Variants in TCFL5 observed in about 807,000 individuals in gnomAD.
The protein encoded by TCFL5 is transcription factor-like 5 protein.
TCFL5 carries 9 observed loss-of-function variants against 44.3 expected under a neutral mutation model. That is an observed-to-expected ratio of 0.20 (90% CI 0.12 to 0.35). The LOEUF (loss-of-function observed/expected upper bound fraction) is 0.35. TCFL5 is among the 10% of genes least tolerant of loss of function. TCFL5 has a pLI of 1.00. For synonymous variants in TCFL5, 319 were observed against 271.6 expected (o/e 1.17, Z -1.72); for missense variants, 603 against 613.4 (o/e 0.98, Z 0.18).
intron 5 of TCFL5, among the ~76,000 whole-genome samples, chr20:62,850,464 T>C (rs1050428496): frequency 6.6e-6 from 1 of 151,690 alleles, no homozygotes; most frequent in African/African-American, 2.4e-5. Context: ...CCCTGACGCC[T>C]TTTTCCCATC....
At chr20:62,845,571 A>G in intron 5 of TCFL5, 6 of 1,501,158 alleles carry the variant, frequency 4.0e-6, no homozygotes, top group Non-Finnish European at 5.3e-6. Context: ...AATTAAATGA[A>G]AGTCAGAGCC....
chr20:62,858,778 G>A lies in TCFL5; in HGVS notation c.994+586C>T, dbSNP rs1359003516. Reference sequence around the variant, plus strand: ...ACGCAGGTGTTTCCCAGGGAGGAAGGGGCTACGCAGGTGTTTCCCAGGGAG... The same window carrying A: ...ACGCAGGTGTTTCCCAGGGAGGAAGAGGCTACGCAGGTGTTTCCCAGGGAG... On this transcript the variant is annotated intron_variant, in intron 3 of 5. Transcript: ENST00000335351. Among the ~76,000 whole-genome samples the A allele has an allele frequency of 7.3e-3, 636 of 86,842 alleles. 11 individuals are homozygous for A. Among genetic ancestry groups the A allele is most frequent in the Non-Finnish European group, 0.011 (467 of 43,546 alleles). The allele number at this position is 86,842 out of a possible 152,430, so 57.0% of individuals were successfully genotyped here.
At chr20:62,853,038 T>C (rs988333643) in intron 5 of TCFL5, 75 of 1,208,928 alleles carry the variant, frequency 6.2e-5, no homozygotes, top group East Asian at 1.2e-4. Context: ...CACAGAAGCA[T>C]AGTCACCCGG....
intron 3 of TCFL5, among the ~76,000 whole-genome samples, chr20:62,858,939 G>A (rs1326293958): frequency 1.4e-5 from 2 of 142,082 alleles, no homozygotes; most frequent in East Asian, 2.0e-4. Context: ...TCACCTTACA[G>A]CCTCTCCCTG....
At chr20:62,855,706 C>T (rs6010768) in intron 4 of TCFL5, among the ~76,000 whole-genome samples, 11,203 of 151,974 alleles carry the variant, frequency 0.074, 1,351 homozygotes, top group African/African-American at 0.25. Flanking sequence ...GCGAAGGTTG[C>T]GTTGAACCGA....
Position 62,856,619 on chromosome 20 carries a change from C to T in TCFL5, c.1238+776G>A, listed in dbSNP as rs574609488. On this transcript the variant is annotated intron_variant, in intron 4 of 5. Transcript: ENST00000335351. ...TACTCAGGAGGCTGAGGCAGGAGAA[C>T]GGCATGAACCCGGGAGGCGGAGCTT... is the stretch of plus-strand genomic sequence containing the variant. Among the ~76,000 whole-genome samples the T allele has an allele frequency of 1.5e-4, 22 of 146,424 alleles. No homozygotes were observed. In the East Asian group the frequency reaches 1.7e-3, roughly 11 times the overall value.
Position 62,859,495 on chromosome 20 carries a change from G to C in TCFL5, c.863C>G (p.Ala288Gly), listed in dbSNP as rs1218007264. The stretch of plus-strand genomic sequence containing the variant: ...CAATCCAATATCCTGGTGCTTGGCA[G>C]CTTCAAGTACAGAACATGAGTTACT... ...SSSNSCSVLE[A>G]AKHQDIGLPR... The change falls in exon 3 of 6, where the codon GCT (alanine) becomes GGT (glycine). Residue 288 changes from alanine (A) to glycine (G), a missense_variant. Physicochemically the swap from Ala to Gly is moderately conservative, Grantham distance 60. Around this residue, in one of 4 missense-constraint regions of TCFL5, gnomAD observed 540 missense variants for 478.7 expected, o/e 1.13. Transcript: ENST00000335351. 6.2e-7 allele frequency: 1 copy of C among 1,613,300 alleles called. No homozygotes were observed. The highest frequency in any genetic ancestry group is 2.2e-5 in the East Asian group (1 of 44,882).
chr20:62,848,064 G>T, intron 5 of TCFL5, among the ~76,000 whole-genome samples: 1 of 152,244 alleles, frequency 6.6e-6, no homozygotes, highest in Non-Finnish European at 1.5e-5. Context: ...CACGGGAGAA[G>T]TCACAGCGTG....
chr20:62,841,192 T>G lies in TCFL5; in HGVS notation c.*783A>C, dbSNP rs561798226. ...CTAGTCTGATGTTTTGTGTACAAAC[T>G]CACATCTCCAATTAACAGTATTTAT... On this transcript the variant is annotated 3_prime_UTR_variant, in exon 6 of 6. Coordinates refer to ENST00000335351, the MANE Select transcript of TCFL5 (RefSeq NM_006602.4). The G allele has an allele frequency of 9.3e-5, 15 of 162,020 alleles. No individual in the cohort carries two copies. In the South Asian group the frequency reaches 1.9e-3, roughly 21 times the overall value. 10.0% of individuals were successfully genotyped at this position (162,020 alleles called of 1,614,324 possible).
chr20:62,850,742 C>G (rs1297090196), intron 5 of TCFL5, among the ~76,000 whole-genome samples: 4 of 152,204 alleles, frequency 2.6e-5, no homozygotes. Flanking sequence ...CCCAGCCTGC[C>G]CCGGTGCCCT....
In TCFL5 at chr20:62,861,416, C is replaced by A; in HGVS notation, c.255G>T (p.Ala85=). 1 of 1,127,304 alleles carries A rather than the reference C, an allele frequency of 8.9e-7. No homozygotes were observed. The highest frequency in any genetic ancestry group is 3.5e-5 in the South Asian group (1 of 28,580). The allele number at this position is 1,127,304 out of a possible 1,614,324, so 69.8% of individuals were successfully genotyped here. Residue 85 remains alanine, a synonymous_variant, in exon 1 of 6, where the codon GCG becomes GCT. Coordinates refer to ENST00000335351, the MANE Select transcript of TCFL5 (RefSeq NM_006602.4). This position sits in a 1 kb window ranked among gnomAD's most constrained non-coding sequence, Gnocchi z 4.0. Reference sequence around the variant, plus strand: ...AGCCGCCCGCGCCTGCGCCCGGGCCCGCCGCCGCCAGCAGCGCCGAGTTGA... The same window carrying A: ...AGCCGCCCGCGCCTGCGCCCGGGCCAGCCGCCGCCAGCAGCGCCGAGTTGA... ...TRLNSALLAA[A]GPGAGAGGFA... is the part of the protein sequence containing the mutation.
At chr20:62,855,212 T>G (rs1217819441) in intron 4 of TCFL5, among the ~76,000 whole-genome samples, 12 of 152,160 alleles carry the variant, frequency 7.9e-5, no homozygotes, top group Admixed American at 7.9e-4. Context: ...CAGGCTGGAG[T>G]GCAGTGGCAT....
At chr20:62,851,707 G>C (rs1247344389) in intron 5 of TCFL5, 27 of 985,272 alleles carry the variant, frequency 2.7e-5, no homozygotes, top group Non-Finnish European at 3.3e-5. Context: ...ACACAGAAAA[G>C]GGACAGAGAC....
intron 1 of TCFL5, among the ~76,000 whole-genome samples, chr20:62,860,692 A>G (rs780210865): frequency 6.6e-6 from 1 of 152,184 alleles, no homozygotes; most frequent in Admixed American, 6.5e-5. Context: ...AAAGCCTGCA[A>G]ACCCCCGTCG....
intron 5 of TCFL5, among the ~76,000 whole-genome samples, chr20:62,848,764 G>A (rs543303747): frequency 2.6e-5 from 4 of 152,226 alleles, no homozygotes; most frequent in Admixed American, 6.5e-5. Flanking sequence ...TGGGCCGGGT[G>A]TGGTGGCTCA....
chr20:62,845,289 T>G, intron 5 of TCFL5: 1 of 808,104 alleles, frequency 1.2e-6, no homozygotes, highest in Non-Finnish European at 1.5e-6. Context: ...GCCCGGCTAA[T>G]TTTTGTATTT....
chr20:62,852,504 A>G (rs2063823989), intron 5 of TCFL5: 1 of 985,380 alleles, frequency 1.0e-6, no homozygotes, highest in African/African-American at 1.7e-5. Flanking sequence ...TCACACGTCT[A>G]GTTCCAGCCA....
chr20:62,844,545 TCAA>T (rs2063715215), intron 5 of TCFL5, among the ~76,000 whole-genome samples: 1 of 151,420 alleles, frequency 6.6e-6, no homozygotes, highest in African/African-American at 2.4e-5. Flanking sequence ...CGCCTGGCTT[TCAA>T]CATTTTTTTT....
chr20:62,856,877 A>T (rs2063900651), intron 4 of TCFL5, among the ~76,000 whole-genome samples: 1 of 152,058 alleles, frequency 6.6e-6, no homozygotes, highest in African/African-American at 2.4e-5. Flanking sequence ...TGCCCCCAGA[A>T]CCTACACTGT....
Sources: allele counts gnomAD v4.1 joint callset (sites outside exome capture counted in the v4.1 genomes callset), GRCh38; gene constraint gnomAD v4.1.1; regional missense constraint gnomAD v4.1.1; non-coding constraint Gnocchi (gnomAD v3.1); transcripts MANE v1.5; gene names NCBI Gene and HGNC (gene_info 2026-07-23, HGNC 2026-07-21).